SLCO6A1: variants seen among roughly 807,000 people sequenced by gnomAD.
The protein encoded by SLCO6A1 is solute carrier organic anion transporter family member 6A1.
Under a neutral mutation model 72.7 loss-of-function variants are expected in SLCO6A1, and 65 were observed. That is an observed-to-expected ratio of 0.89 (90% CI 0.73 to 1.10). The LOEUF is 1.10. SLCO6A1 is among the 50% of genes least tolerant of loss of function. SLCO6A1 has a pLI of 0.00. For missense variants in SLCO6A1, 874 were observed against 872.6 expected (o/e 1.00, Z -0.02); for synonymous variants, 314 against 298.2 (o/e 1.05, Z -0.55).
intron 9 of SLCO6A1, among the ~76,000 whole-genome samples, chr5:102,406,487 T>C (rs1747673909): frequency 1.3e-5 from 2 of 151,862 alleles, no homozygotes. Flanking sequence ...AAATAGACAA[T>C]TATACAATTA....
At chr5:102,459,904 CT>C (rs1185848144) in intron 4 of SLCO6A1, 127 bp from the exon 5 acceptor site, 18 of 717,358 alleles carry the variant, frequency 2.5e-5, no homozygotes, top group Admixed American at 1.9e-4. Flanking sequence ...AGAAATGGAA[CT>C]TTTTTTGTTA....
chr5:102,486,198 AC>A (rs1392368016), intron 1 of SLCO6A1, among the ~76,000 whole-genome samples: 5 of 152,306 alleles, frequency 3.3e-5, no homozygotes, highest in African/African-American at 9.6e-5. Context: ...GAGCAAAGGA[AC>A]TATCCAAAGA....
intron 12 of SLCO6A1, among the ~76,000 whole-genome samples, chr5:102,382,965 GTGTATATATATGAGAGAT>G (rs1375466516): frequency 1.3e-5 from 2 of 148,978 alleles, no homozygotes; most frequent in African/African-American, 4.9e-5. Context: ...ATATATATAT[GTGTATATATATGAGAGAT>G]ATATATATGT....
chr5:102,396,570 G>T (rs1747096020), intron 10 of SLCO6A1, among the ~76,000 whole-genome samples: 1 of 152,110 alleles, frequency 6.6e-6, no homozygotes, highest in Non-Finnish European at 1.5e-5. Context: ...TGATATACTT[G>T]TGGTGTTGGC....
rs187931897 is a variant in SLCO6A1, at chr5:102,480,574, C to T, written c.359-140G>A. 341 of 846,588 alleles carry T rather than the reference C, an allele frequency of 4.0e-4. 1 individual carries two copies. In the East Asian group the frequency reaches 7.7e-3, roughly 19 times the overall value. 52.4% of individuals were successfully genotyped at this position (846,588 alleles called of 1,614,324 possible). ...ATGTTTAAAAGCTATAAGCAAGTAA[C>T]AATTCCTTTTCTAAAACATAAATAG... On this transcript the variant is annotated intron_variant, in intron 1 of 13. Transcript: ENST00000506729.
At chr5:102,388,921 T>C (rs2112512166) in intron 11 of SLCO6A1, 96 bp from the exon 12 acceptor site, 1 of 1,084,296 alleles carries the variant, frequency 9.2e-7, no homozygotes, top group South Asian at 1.7e-5. Flanking sequence ...TGACGACTCA[T>C]CATTCAAAAC....
At chr5:102,459,272 T>TGCA in intron 5 of SLCO6A1, among the ~76,000 whole-genome samples, 1 of 152,100 alleles carries the variant, frequency 6.6e-6, no homozygotes, top group East Asian at 1.9e-4. Flanking sequence ...TTTTAAAAAC[T>TGCA]TGCTGAACAT....
intron 7 of SLCO6A1, among the ~76,000 whole-genome samples, chr5:102,437,165 G>A (rs1037804520): frequency 6.6e-6 from 1 of 152,132 alleles, no homozygotes; most frequent in African/African-American, 2.4e-5. Context: ...GACTTGACTT[G>A]AAATAATCAA....
At chr5:102,494,557 A>G (rs1051240537) in intron 1 of SLCO6A1, among the ~76,000 whole-genome samples, 1 of 152,224 alleles carries the variant, frequency 6.6e-6, no homozygotes, top group Admixed American at 6.5e-5. Context: ...CAGATTATAT[A>G]AAGAACACTC....
At chr5:102,428,215 CA>C (rs1561453347) in intron 7 of SLCO6A1, among the ~76,000 whole-genome samples, 3 of 150,900 alleles carry the variant, frequency 2.0e-5, no homozygotes, top group African/African-American at 4.9e-5. Context: ...TAAAACTGTT[CA>C]AAAAATAGTT....
At chr5:102,385,783 T>C (rs1254567729) in intron 12 of SLCO6A1, among the ~76,000 whole-genome samples, 2 of 151,930 alleles carry the variant, frequency 1.3e-5, no homozygotes, top group East Asian at 3.9e-4. Flanking sequence ...ATTTGAATTA[T>C]GTGTCAGGCA....
At chr5:102,405,264 A>T (rs1747611361) in intron 9 of SLCO6A1, among the ~76,000 whole-genome samples, 2 of 152,054 alleles carry the variant, frequency 1.3e-5, no homozygotes, top group Admixed American at 1.3e-4. Context: ...AGAAAAAGGC[A>T]TTTAAATTAA....
At chr5:102,389,213 A>G (rs946712839) in intron 11 of SLCO6A1, among the ~76,000 whole-genome samples, 5 of 152,304 alleles carry the variant, frequency 3.3e-5, no homozygotes, top group East Asian at 3.9e-4. Context: ...AAAATTTTCA[A>G]CGACTGAAAA....
At chr5:102,375,030 T>C (rs1366820301) in intron 12 of SLCO6A1, among the ~76,000 whole-genome samples, 1 of 152,086 alleles carries the variant, frequency 6.6e-6, no homozygotes, top group Non-Finnish European at 1.5e-5. Flanking sequence ...CTGTGGTTAT[T>C]TTCTATATTG....
At chr5:102,390,775 T>C (rs1341334422) in intron 11 of SLCO6A1, among the ~76,000 whole-genome samples, 3 of 152,132 alleles carry the variant, frequency 2.0e-5, no homozygotes, top group African/African-American at 7.2e-5. Context: ...AATATGCATA[T>C]TTTATTTGAT....
At chr5:102,459,584 T>A in intron 5 of SLCO6A1, 72 bp downstream of exon 5, 1 of 1,440,494 alleles carries the variant, frequency 6.9e-7, no homozygotes, top group Non-Finnish European at 9.2e-7. Flanking sequence ...AATACAGTCA[T>A]TCTATGAGAA....
Position 102,458,418 on chromosome 5 carries a change from A to C in SLCO6A1, c.1095T>G (p.Leu365=). Residue 365 remains leucine (L), a synonymous_variant, in exon 6 of 14, where the codon CTT becomes CTG. Coordinates refer to ENST00000506729, the MANE Select transcript of SLCO6A1 (RefSeq NM_173488.5). ...FFDSRLKDLK[L]GTNIKDLCAA... Reference sequence around the variant, plus strand: ...CACATAAATCCTTGATATTAGTTCCAAGTTTCAGATCTTTAAGTCTGCTGT... The same window carrying C: ...CACATAAATCCTTGATATTAGTTCCCAGTTTCAGATCTTTAAGTCTGCTGT... 4.3e-6 allele frequency: 7 copies of C among 1,612,910 alleles called. No homozygotes were observed. Among genetic ancestry groups the C allele is most frequent in the Admixed American group, 1.7e-5 (1 of 59,892 alleles).
At chr5:102,412,388 T>C (rs1748034852) in intron 9 of SLCO6A1, among the ~76,000 whole-genome samples, 1 of 152,150 alleles carries the variant, frequency 6.6e-6, no homozygotes, top group African/African-American at 2.4e-5. Flanking sequence ...GTTTGACTCT[T>C]TTCATTGACA....
At chr5:102,413,422 A>C (rs1452068) in intron 8 of SLCO6A1, among the ~76,000 whole-genome samples, 26 of 149,848 alleles carry the variant, frequency 1.7e-4, no homozygotes, top group Admixed American at 1.4e-3. Context: ...AAAAAAAAAA[A>C]CCCAAAAGTT....
Sources: gnomAD v4.1 joint callset for allele counts (sites outside exome capture counted in the v4.1 genomes callset) on GRCh38, gnomAD v4.1.1 for gene constraint, MANE v1.5 for transcripts, NCBI Gene and HGNC (gene_info 2026-07-23, HGNC 2026-07-21) for gene names.